The following LIPA variants were observed in gnomAD, a reference collection of about 807,000 sequenced individuals.
LIPA encodes the protein lysosomal acid lipase/cholesteryl ester hydrolase.
Under a neutral mutation model 40.6 loss-of-function variants are expected in LIPA, and 26 were observed. That is an observed-to-expected ratio of 0.64 (90% CI 0.47 to 0.89). The LOEUF (loss-of-function observed/expected upper bound fraction) is 0.89, where lower values mean the gene tolerates loss of function less well. Among genes scored for constraint, LIPA ranks in the 40% least tolerant of loss-of-function variants. The pLI, the probability that LIPA is intolerant of heterozygous loss-of-function variation, is 0.00. For synonymous variants in LIPA, 188 were observed against 168.4 expected (o/e 1.12, Z -0.90); for missense variants, 455 against 479.6 (o/e 0.95, Z 0.48).
At chr10:89,299,488 G>A (rs936199569) in intron 1 of LIPA, among the ~76,000 whole-genome samples, 1 of 152,136 alleles carries the variant, frequency 6.6e-6, no homozygotes, top group Non-Finnish European at 1.5e-5. Flanking sequence ...TAGACATCCA[G>A]ATACAGGAGG....
At chr10:89,304,188 C>G (rs975955505) in intron 1 of LIPA, among the ~76,000 whole-genome samples, 5 of 152,124 alleles carry the variant, frequency 3.3e-5, no homozygotes, top group Non-Finnish European at 7.4e-5. Flanking sequence ...AGGAAGGACC[C>G]GCCTTCCATT....
At position 89,307,302 on chromosome 10, in the gene LIPA, C is replaced by A. The variant is rs186703110; in HGVS notation, c.-2+35309G>T. 2.4e-5 allele frequency: 38 copies of A among 1,613,878 alleles called. No individual in the cohort carries two copies. In the East Asian group the frequency reaches 7.4e-4, roughly 31 times the overall value. ...GAGCTGAATGAAAAAATGCAACAAG[C>A]AGATGAAGACTCTGAGAGGGGTTTG... On this transcript the variant is annotated intron_variant, in intron 1 of 5. Transcript: ENST00000282673.
At chr10:89,244,836 A>C (rs1843004662) in intron 3 of LIPA, among the ~76,000 whole-genome samples, 1 of 152,216 alleles carries the variant, frequency 6.6e-6, no homozygotes, top group South Asian at 2.1e-4. Context: ...TTATCAGGAC[A>C]CATGCACATG....
chr10:89,379,679 A>G (rs1844147637), intron 2 of LIPA, among the ~76,000 whole-genome samples: 1 of 152,132 alleles, frequency 6.6e-6, no homozygotes, highest in African/African-American at 2.4e-5. Flanking sequence ...AAGGATTGCA[A>G]AAAAATTCAC....
At chr10:89,317,149 T>TG (rs1383316621) in intron 1 of LIPA, among the ~76,000 whole-genome samples, 2 of 152,156 alleles carry the variant, frequency 1.3e-5, no homozygotes, top group Non-Finnish European at 2.9e-5. Flanking sequence ...AAAATCAGAG[T>TG]GCCTCTTCTC....
chr10:89,329,644 C>T (rs1843630961), intron 1 of LIPA, among the ~76,000 whole-genome samples: 2 of 152,120 alleles, frequency 1.3e-5, no homozygotes, highest in African/African-American at 4.8e-5. Context: ...CTCCTCTGCC[C>T]CATCCACTGA....
At chr10:89,365,188 C>T (rs1223289505) in intron 2 of LIPA, among the ~76,000 whole-genome samples, 1 of 152,156 alleles carries the variant, frequency 6.6e-6, no homozygotes, top group Non-Finnish European at 1.5e-5. Flanking sequence ...CATGGGGTTT[C>T]CAAGGAGCTC....
At chr10:89,355,550 C>T (rs920746659) in intron 2 of LIPA, among the ~76,000 whole-genome samples, 1 of 152,222 alleles carries the variant, frequency 6.6e-6, no homozygotes, top group African/African-American at 2.4e-5. Flanking sequence ...ACCAGAGAAA[C>T]TCCATCTTGA....
intron 2 of LIPA, among the ~76,000 whole-genome samples, chr10:89,350,257 A>G (rs1422589509): frequency 6.6e-6 from 1 of 152,076 alleles, no homozygotes; most frequent in Non-Finnish European, 1.5e-5. Context: ...ATTTAGGTGC[A>G]CCGGCCCAGT....
chr10:89,250,746 T>TA (rs1369218085), intron 1 of LIPA, among the ~76,000 whole-genome samples: 1 of 152,176 alleles, frequency 6.6e-6, no homozygotes, highest in African/African-American at 2.4e-5. Context: ...CTCACCCAGT[T>TA]AAGTTTTCCT....
At chr10:89,266,860 C>T (rs1268633669) in intron 1 of LIPA, among the ~76,000 whole-genome samples, 1 of 152,190 alleles carries the variant, frequency 6.6e-6, no homozygotes, top group Non-Finnish European at 1.5e-5. Flanking sequence ...GAGAGAATTG[C>T]TTTTGTGTAA....
At chr10:89,294,898 T>A (rs1272642010) in intron 1 of LIPA, among the ~76,000 whole-genome samples, 2 of 151,552 alleles carry the variant, frequency 1.3e-5, no homozygotes, top group Non-Finnish European at 2.9e-5. Flanking sequence ...CACTTGAGCC[T>A]GGGAGGGAGG....
intron 3 of LIPA, among the ~76,000 whole-genome samples, chr10:89,230,745 G>T (rs533084322): frequency 2.0e-5 from 3 of 152,294 alleles, no homozygotes; most frequent in African/African-American, 7.2e-5. Context: ...ACATTTTATA[G>T]GACACAGTGA....
intron 1 of LIPA, chr10:89,328,173 A>T: frequency 8.6e-7 from 1 of 1,164,638 alleles, no homozygotes; most frequent in Non-Finnish European, 1.3e-6. Context: ...AATTGTCCTG[A>T]TGTTTATAGA....
intron 3 of LIPA, among the ~76,000 whole-genome samples, chr10:89,236,387 A>G (rs7069914): frequency 0.11 from 17,116 of 152,236 alleles, 2,133 homozygotes; most frequent in African/African-American, 0.31. Flanking sequence ...ATCTCCACGT[A>G]AGCAGTTTCT....
chr10:89,377,190 A>G (rs73369718), intron 2 of LIPA, among the ~76,000 whole-genome samples: 3,556 of 152,336 alleles, frequency 0.023, 146 homozygotes, highest in African/African-American at 0.081. Context: ...TTCATTAAAC[A>G]TGTGAACATT....
chr10:89,292,686 T>A (rs1564777611), intron 1 of LIPA, among the ~76,000 whole-genome samples: 1 of 152,184 alleles, frequency 6.6e-6, no homozygotes, highest in Non-Finnish European at 1.5e-5. Flanking sequence ...AGAGACCTAG[T>A]CACGTTCTGT....
chr10:89,222,819 G>A (rs1007943620), intron 7 of LIPA, among the ~76,000 whole-genome samples: 1 of 152,124 alleles, frequency 6.6e-6, no homozygotes, highest in African/African-American at 2.4e-5. Context: ...GACTGTGTGG[G>A]TTTCGTTTAC....
intron 8 of LIPA, among the ~76,000 whole-genome samples, chr10:89,222,136 T>C (rs1842707288): frequency 6.7e-6 from 1 of 149,700 alleles, no homozygotes; most frequent in Admixed American, 6.6e-5. Context: ...TCACTCTTTA[T>C]GAAGCAACAC....
Sources: gnomAD v4.1 joint callset for allele counts (sites outside exome capture counted in the v4.1 genomes callset) on GRCh38, gnomAD v4.1.1 for gene constraint, MANE v1.5 for transcripts, NCBI Gene and HGNC (gene_info 2026-07-23, HGNC 2026-07-21) for gene names.